Variants in EYS observed in about 807,000 individuals in gnomAD.
EYS encodes EGF-like photoreceptor maintenance factor, also known as protein eyes shut homolog.
In EYS, 250 loss-of-function variants were observed where a neutral mutation model predicts 282.1. The observed-to-expected ratio is 0.89, with a 90% confidence interval of 0.80 to 0.98. The LOEUF (loss-of-function observed/expected upper bound fraction) is 0.98, where lower values mean the gene tolerates loss of function less well. Among genes scored for constraint, EYS ranks in the 50% least tolerant of loss-of-function variants. The pLI, the probability that EYS is intolerant of heterozygous loss-of-function variation, is 0.00. For synonymous variants in EYS, 1,355 were observed against 1,282.9 expected (o/e 1.06, Z -1.20); for missense variants, 4,016 against 3,709.0 (o/e 1.08, Z -2.15).
chr6:65,671,397 C>T (rs1232259069), intron 1 of EYS, among the ~76,000 whole-genome samples: 1 of 151,890 alleles, frequency 6.6e-6, no homozygotes, highest in Non-Finnish European at 1.5e-5. Context: ...TTGACTAACA[C>T]TTGTGTTCTG....
Position 65,402,604 on chromosome 6 carries a change from T to G in EYS, c.1058A>C (p.Asp353Ala), listed in dbSNP as rs1387587935. Residue 353 changes from aspartate (D) to alanine (A), a missense_variant and splice_region_variant, in exon 7 of 43, where the codon GAT becomes GCT. Coordinates refer to ENST00000503581, the MANE Select transcript of EYS (RefSeq NM_001142800.2). ...TATTGGTGAACAGATGCACATAACA[T>G]CCTAGGAAAGATTAAAAAAATATTT... ...NGTDCIKISNDVMCICSPIFT... is the reference protein window; with the variant it reads ...NGTDCIKISNAVMCICSPIFT... 3 of 1,571,168 alleles carry G rather than the reference T, an allele frequency of 1.9e-6. No homozygotes were observed. Among genetic ancestry groups the G allele is most frequent in the Non-Finnish European group, 2.6e-6 (3 of 1,142,806 alleles).
At chr6:65,224,104 G>A (rs996583588) in intron 12 of EYS, among the ~76,000 whole-genome samples, 1 of 152,004 alleles carries the variant, frequency 6.6e-6, no homozygotes, top group African/African-American at 2.4e-5. Flanking sequence ...TCCAACAACA[G>A]CAAAATACCA....
rs1428526481 is a variant in EYS, at chr6:64,813,526, G to A, written c.3295C>T (p.His1099Tyr). ...MNEGFCQKSAHGFTCICPRGY... is the reference protein window; with the variant it reads ...MNEGFCQKSAYGFTCICPRGY... ...CGTGGGCAAATGCAAGTAAATCCAT[G>A]TGCTGACTTCTGACAGAAGCCTTCA... The change falls in exon 22 of 43, where the codon CAT (histidine) becomes TAT (tyrosine). Residue 1099 changes from histidine to tyrosine, a missense_variant. Transcript: ENST00000503581. The A allele has an allele frequency of 6.5e-7, 1 of 1,550,324 alleles. No individual in the cohort carries two copies. Among genetic ancestry groups the A allele is most frequent in the Admixed American group, 2.0e-5 (1 of 50,920 alleles).
At chr6:63,735,608 C>T (rs985904708) in intron 41 of EYS, among the ~76,000 whole-genome samples, 13 of 152,064 alleles carry the variant, frequency 8.5e-5, no homozygotes, top group African/African-American at 9.6e-5. Context: ...CAATGTTTCC[C>T]GTAAACAAGG....
rs1297685501 is a variant in EYS at position 64,295,531 on chromosome 6, G to GA, written c.6191+11438dup. Among the ~76,000 whole-genome samples the GA allele has an allele frequency of 9.4e-5, 5 of 53,378 alleles. 2 individuals are homozygous for GA. The highest frequency in any genetic ancestry group is 6.5e-4 in the African/African-American group (5 of 7,710). 35.0% of individuals were successfully genotyped at this position (53,378 alleles called of 152,430 possible). On this transcript the variant is annotated intron_variant, in intron 30 of 42. Transcript: ENST00000503581. ...AGAAGAAAGAAGAAAGAAGAAAGAA[G>GA]AAGAAAGAAGAAGAAAGAAGAAGAA... is the stretch of plus-strand genomic sequence containing the variant.
intron 30 of EYS, among the ~76,000 whole-genome samples, chr6:64,296,551 T>C (rs184630243): frequency 0.23 from 3,358 of 14,418 alleles, 222 homozygotes; most frequent in African/African-American, 0.47. Context: ...AATATATATA[T>C]ATATATATAT....
At chr6:64,606,422 A>G (rs1384043010) in intron 24 of EYS, among the ~76,000 whole-genome samples, 4 of 151,916 alleles carry the variant, frequency 2.6e-5, no homozygotes, top group African/African-American at 9.7e-5. Flanking sequence ...TCTTGTTTTT[A>G]TACCTCTATC....
intron 31 of EYS, among the ~76,000 whole-genome samples, chr6:64,194,391 G>T (rs576529887): frequency 1.3e-5 from 2 of 151,942 alleles, no homozygotes; most frequent in Non-Finnish European, 1.5e-5. Flanking sequence ...AACATTCAAG[G>T]GTGTAAGTTT....
intron 8 of EYS, among the ~76,000 whole-genome samples, chr6:65,360,684 T>C: frequency 6.6e-6 from 1 of 152,120 alleles, no homozygotes; most frequent in East Asian, 1.9e-4. Context: ...GAAATATAAC[T>C]CTTCTCCAAC....
At chr6:64,652,114 C>A (rs1768583962) in intron 22 of EYS, among the ~76,000 whole-genome samples, 1 of 152,098 alleles carries the variant, frequency 6.6e-6, no homozygotes, top group African/African-American at 2.4e-5. Flanking sequence ...CTCAAAAACA[C>A]AAAGATGAAC....
chr6:64,506,033 T>C (rs996042138), intron 26 of EYS, among the ~76,000 whole-genome samples: 2 of 152,164 alleles, frequency 1.3e-5, no homozygotes, highest in Non-Finnish European at 2.9e-5. Context: ...CACAGTATAA[T>C]TGGGAAAGTC....
intron 30 of EYS, among the ~76,000 whole-genome samples, chr6:64,269,009 C>A (rs1767854918): frequency 6.6e-6 from 1 of 152,082 alleles, no homozygotes; most frequent in Admixed American, 6.6e-5. Flanking sequence ...ATATCTTCCA[C>A]TGGCTGAAAA....
chr6:64,984,958 T>A (rs529089520), intron 14 of EYS, among the ~76,000 whole-genome samples: 6 of 151,634 alleles, frequency 4.0e-5, no homozygotes, highest in African/African-American at 1.4e-4. Flanking sequence ...ATTCAGACAA[T>A]CTAAAAACTT....
intron 31 of EYS, among the ~76,000 whole-genome samples, chr6:64,130,776 C>T (rs946555255): frequency 6.6e-6 from 1 of 152,082 alleles, no homozygotes; most frequent in African/African-American, 2.4e-5. Context: ...CTGAAAGAAA[C>T]CCAGGTAGCA....
chr6:65,112,301 C>G (rs1581919849), intron 12 of EYS, among the ~76,000 whole-genome samples: 1 of 152,124 alleles, frequency 6.6e-6, no homozygotes, highest in East Asian at 1.9e-4. Flanking sequence ...AAAATATCAC[C>G]TGATTTGCTG....
chr6:64,066,847 TAAATG>T (rs556503099), intron 32 of EYS, among the ~76,000 whole-genome samples: 2 of 152,254 alleles, frequency 1.3e-5, no homozygotes, highest in African/African-American at 4.8e-5. Context: ...AATAAAATAA[TAAATG>T]AAAAGTGCCA....
intron 11 of EYS, among the ~76,000 whole-genome samples, chr6:65,323,990 C>G (rs561131921): frequency 6.6e-6 from 1 of 152,374 alleles, no homozygotes; most frequent in East Asian, 1.9e-4. Context: ...GCTTCCTGAA[C>G]TCAGTGCTGC....
At chr6:64,554,802 A>G (rs1055061766) in intron 26 of EYS, among the ~76,000 whole-genome samples, 24 of 152,070 alleles carry the variant, frequency 1.6e-4, no homozygotes, top group Non-Finnish European at 2.9e-4. Flanking sequence ...CTTCAGAAAA[A>G]TGAAAATTAA....
intron 33 of EYS, among the ~76,000 whole-genome samples, chr6:64,026,270 G>A (rs147271315): frequency 0.011 from 1,629 of 152,162 alleles, 28 homozygotes; most frequent in African/African-American, 0.037. Context: ...CAACTATTCC[G>A]ATCAGCAGGG....
Sources: gnomAD v4.1 joint callset for allele counts (sites outside exome capture counted in the v4.1 genomes callset) on GRCh38, gnomAD v4.1.1 for gene constraint, MANE v1.5 for transcripts, NCBI Gene and HGNC (gene_info 2026-07-23, HGNC 2026-07-21) for gene names.